The following KCTD7 variants were observed in gnomAD, a reference collection of about 807,000 sequenced individuals.
The protein encoded by KCTD7 is BTB/POZ domain-containing protein KCTD7.
KCTD7 carries 15 observed loss-of-function variants against 27.0 expected under a neutral mutation model. That is an observed-to-expected ratio of 0.56 (90% CI 0.37 to 0.86). KCTD7 has a LOEUF of 0.86. Among genes scored for constraint, KCTD7 ranks in the 40% least tolerant of loss-of-function variants. KCTD7 has a pLI of 0.00. For synonymous variants in KCTD7, 159 were observed against 162.7 expected (o/e 0.98, Z 0.17); for missense variants, 299 against 398.9 (o/e 0.75, Z 2.13).
chr7:66,640,658 C>A lies in KCTD7; in HGVS notation c.*1426C>A. The A allele has an allele frequency of 7.5e-7, 1 of 1,325,178 alleles. No homozygotes were observed. Among genetic ancestry groups the A allele is most frequent in the Non-Finnish European group, 9.6e-7 (1 of 1,037,148 alleles). 82.1% of individuals were successfully genotyped at this position (1,325,178 alleles called of 1,614,324 possible). On this transcript the variant is annotated 3_prime_UTR_variant, in exon 4 of 4. Coordinates refer to ENST00000639828, the MANE Select transcript of KCTD7 (RefSeq NM_153033.5). ...CGAGCCAGGAACATGTCTGTAGTCC[C>A]AGCTACTTGGGCACACGCCTGTAGT...
Position 66,633,362 on chromosome 7 carries a change from G to A in KCTD7, c.232G>A (p.Ala78Thr). The change falls in exon 2 of 4, where the codon GCA becomes ACA. Residue 78 changes from alanine to threonine, a missense_variant. Transcript: ENST00000639828. ...TLRCYEDTML[A>T]AMFSGRHYIP... Reference sequence around the variant, plus strand: ...GCGGTGCTACGAAGACACCATGTTGGCAGCCATGTTCAGTGGGCGGCACTA... The same window carrying A: ...GCGGTGCTACGAAGACACCATGTTGACAGCCATGTTCAGTGGGCGGCACTA... 2 of 1,613,980 alleles carry A rather than the reference G, an allele frequency of 1.2e-6. No homozygotes were observed. Among genetic ancestry groups the A allele is most frequent in the Non-Finnish European group, 1.7e-6 (2 of 1,179,950 alleles).
intron 2 of KCTD7, among the ~76,000 whole-genome samples, chr7:66,637,028 G>A (rs1239999259): frequency 6.6e-6 from 1 of 152,176 alleles, no homozygotes; most frequent in African/African-American, 2.4e-5. Context: ...CCCTATGACT[G>A]AATGACTCTA....
Position 66,640,602 on chromosome 7 carries a change from A to ATTT in KCTD7, c.*1379_*1381dup. The ATTT allele has an allele frequency of 9.6e-7, 1 of 1,046,044 alleles. No individual in the cohort carries two copies. The highest frequency in any genetic ancestry group is 1.3e-6 in the Non-Finnish European group (1 of 794,850). The allele number at this position is 1,046,044 out of a possible 1,614,324, so 64.8% of individuals were successfully genotyped here. ...CCTGTCTCTTCCTGGGTAAAGGGAG[A>ATTT]TTTTTTTTTTTAATGTGTAAAGAAT... On this transcript the variant is annotated 3_prime_UTR_variant, in exon 4 of 4. Coordinates refer to ENST00000639828, the MANE Select transcript of KCTD7 (RefSeq NM_153033.5).
rs1786714568 is a variant in KCTD7, at chr7:66,641,444, G to C, written c.*2212G>C. 1 of 985,250 alleles carries C rather than the reference G, an allele frequency of 1.0e-6. No individual in the cohort carries two copies. Among genetic ancestry groups the C allele is most frequent in the South Asian group, 4.7e-5 (1 of 21,292 alleles). 61.0% of individuals were successfully genotyped at this position (985,250 alleles called of 1,614,324 possible). On this transcript the variant is annotated 3_prime_UTR_variant, in exon 4 of 4. Coordinates refer to ENST00000639828, the MANE Select transcript of KCTD7 (RefSeq NM_153033.5). ...GAGCATGGCAGGGCTTGGTTATTTA[G>C]AGTCCATACATGCAAGCCATTGAGA...
chr7:66,638,881 C>A lies in KCTD7; in HGVS notation c.519C>A (p.Ile173=). The A allele has an allele frequency of 6.2e-7, 1 of 1,614,090 alleles. No homozygotes were observed. The change falls in exon 4 of 4, where the codon ATC becomes ATA. Residue 173 remains isoleucine, a synonymous_variant. Coordinates refer to ENST00000639828, the MANE Select transcript of KCTD7 (RefSeq NM_153033.5). ...YKDHLERIVE[I]ARLRAVQRKA... Reference sequence around the variant, plus strand: ...ACCACTTGGAGCGGATTGTGGAGATCGCCCGGCTGCGTGCGGTCCAGCGGA... The same window carrying A: ...ACCACTTGGAGCGGATTGTGGAGATAGCCCGGCTGCGTGCGGTCCAGCGGA...
rs1212667800 is a variant in KCTD7, at chr7:66,638,415, C to T, written c.477C>T (p.Leu159=). 4 of 1,614,162 alleles carry T rather than the reference C, an allele frequency of 2.5e-6. No individual in the cohort carries two copies. Among genetic ancestry groups the T allele is most frequent in the Non-Finnish European group, 3.4e-6 (4 of 1,180,046 alleles). The change falls in exon 3 of 4, where the codon CTC becomes CTT. Residue 159 remains leucine (L), a synonymous_variant. Coordinates refer to ENST00000639828, the MANE Select transcript of KCTD7 (RefSeq NM_153033.5). ...AGGTGCGCCAAGCGTTTCTGGGACT[C>T]ATGCCCTATTACAAAGGTGAGGGTC... The part of the protein sequence containing the change: ...GEKVRQAFLG[L]MPYYKDHLER...
In KCTD7 at chr7:66,640,686, A is replaced by T; in HGVS notation, c.*1454A>T. 1 of 1,265,730 alleles carries T rather than the reference A, an allele frequency of 7.9e-7. No individual in the cohort carries two copies. Among genetic ancestry groups the T allele is most frequent in the Non-Finnish European group, 1.0e-6 (1 of 1,002,640 alleles). The allele number at this position is 1,265,730 out of a possible 1,614,324, so 78.4% of individuals were successfully genotyped here. A position where few individuals can be genotyped will look rare whatever the true frequency, so the allele number is the denominator to read the frequency against. On this transcript the variant is annotated 3_prime_UTR_variant, in exon 4 of 4. Transcript: ENST00000639828. ...CTACTTGGGCACACGCCTGTAGTCC[A>T]GGCCACTCGAGCACACACCTGTAGT...
At chr7:66,632,603 G>A (rs183370708) in intron 1 of KCTD7, among the ~76,000 whole-genome samples, 80 of 152,196 alleles carry the variant, frequency 5.3e-4, no homozygotes, top group African/African-American at 1.9e-3. Flanking sequence ...CATATAGACA[G>A]AAGAAGGAGA....
At chr7:66,631,118 T>C (rs974194602) in intron 1 of KCTD7, among the ~76,000 whole-genome samples, 5 of 152,216 alleles carry the variant, frequency 3.3e-5, no homozygotes, top group African/African-American at 1.2e-4. Flanking sequence ...CCTGTCTATT[T>C]CTTTCATTCA....
Position 66,629,114 on chromosome 7 carries a change from C to G in KCTD7, c.50C>G (p.Ala17Gly). The change falls in exon 1 of 4, where the codon GCC becomes GGC. Residue 17 changes from alanine to glycine, a missense_variant. Ala to Gly is a moderately conservative substitution (Grantham distance 60). Transcript: ENST00000639828. ...CCAGACAGCCGTCGTCAGGACGGTG[C>G]CATGTCCAGCTCTGACGCCGAAGAC... ...REPDSRRQDGAMSSSDAEDDF... is the reference protein window; with the variant it reads ...REPDSRRQDGGMSSSDAEDDF... 1 of 1,543,200 alleles carries G rather than the reference C, an allele frequency of 6.5e-7. No individual in the cohort carries two copies. The highest frequency in any genetic ancestry group is 8.7e-7 in the Non-Finnish European group (1 of 1,147,360).
In KCTD7 at chr7:66,639,649, C is replaced by A; in HGVS notation, c.*417C>A. 4 of 1,344,054 alleles carry A rather than the reference C, an allele frequency of 3.0e-6. No homozygotes were observed. In the East Asian group the frequency reaches 8.8e-5, roughly 29 times the overall value. The allele number at this position is 1,344,054 out of a possible 1,614,324, so 83.3% of individuals were successfully genotyped here. On this transcript the variant is annotated 3_prime_UTR_variant, in exon 4 of 4. Coordinates refer to ENST00000639828, the MANE Select transcript of KCTD7 (RefSeq NM_153033.5). ...CCTGTTCAAGCGTCCCTCCCTTGTG[C>A]TCAGTATATTGGTGTGAACACGGAA...
intron 2 of KCTD7, among the ~76,000 whole-genome samples, chr7:66,636,373 C>G: frequency 6.6e-6 from 1 of 151,932 alleles, no homozygotes; most frequent in East Asian, 1.9e-4. Context: ...GTTCCTGAAC[C>G]TGTCTGGGCC....
intron 1 of KCTD7, 138 bp downstream of exon 1, chr7:66,629,346 C>T (rs1786390926): frequency 3.4e-6 from 2 of 582,456 alleles, no homozygotes; most frequent in East Asian, 9.6e-5. Context: ...CTCCCCCGCC[C>T]ACCTGCAACT....
At chr7:66,629,241 G>A in intron 1 of KCTD7, 33 bp downstream of exon 1, 1 of 1,302,406 alleles carries the variant, frequency 7.7e-7, no homozygotes, top group Non-Finnish European at 9.8e-7. Context: ...GCGGGGCGTG[G>A]GGAGGGGCGC....
intron 2 of KCTD7, among the ~76,000 whole-genome samples, chr7:66,637,548 A>C (rs562528794): frequency 1.2e-4 from 18 of 152,230 alleles, no homozygotes; most frequent in African/African-American, 4.3e-4. Context: ...AAACAAAAAA[A>C]CAAACTACTG....
rs1472124102 is a variant in KCTD7 at position 66,629,049 on chromosome 7, G to A, written c.-16G>A. The A allele has an allele frequency of 2.0e-6, 3 of 1,503,798 alleles. No individual in the cohort carries two copies. The highest frequency in any genetic ancestry group is 2.7e-6 in the Non-Finnish European group (3 of 1,124,810). The allele number at this position is 1,503,798 out of a possible 1,614,324, so 93.2% of individuals were successfully genotyped here. On this transcript the variant is annotated 5_prime_UTR_variant, in exon 1 of 4. Coordinates refer to ENST00000639828, the MANE Select transcript of KCTD7 (RefSeq NM_153033.5). ...CCGCCCGCCCGAAGCCGCGCCCACT[G>A]CCCAGAGCCAGAGGGATGGTGGTAG...
downstream of KCTD7, chr7:66,643,221 A>T: frequency 8.1e-6 from 8 of 985,116 alleles, no homozygotes; most frequent in Non-Finnish European, 9.6e-6. Context: ...CCTGAAAGGG[A>T]GGTGGGCCTC....
At chr7:66,630,499 G>GT (rs1786420707) in intron 1 of KCTD7, among the ~76,000 whole-genome samples, 1 of 152,144 alleles carries the variant, frequency 6.6e-6, no homozygotes, top group South Asian at 2.1e-4. Flanking sequence ...AGGGACTAAG[G>GT]TAGTGCCAGA....
intron 2 of KCTD7, 149 bp downstream of exon 2, chr7:66,633,593 ATTTT>A (rs200130485): frequency 1.2e-3 from 771 of 632,116 alleles, no homozygotes; most frequent in Non-Finnish European, 1.4e-3. Context: ...AAAGAGATCA[ATTTT>A]TTTTTTTTTT....
Sources: gnomAD v4.1 joint callset for allele counts (sites outside exome capture counted in the v4.1 genomes callset) on GRCh38, gnomAD v4.1.1 for gene constraint, MANE v1.5 for transcripts, NCBI Gene and HGNC (gene_info 2026-07-23, HGNC 2026-07-21) for gene names.